Variants in CYYR1 observed in about 807,000 individuals in gnomAD.
CYYR1 encodes the protein cysteine and tyrosine-rich protein 1.
Under a neutral mutation model 15.2 loss-of-function variants are expected in CYYR1, and 14 were observed. The ratio of observed to expected loss-of-function variants is 0.92; its 90% CI spans 0.61 to 1.44. The LOEUF is 1.44. CYYR1 is among the 40% of genes most tolerant of loss of function. The pLI, the probability that CYYR1 is intolerant of heterozygous loss-of-function variation, is 0.00. For synonymous variants in CYYR1, 80 were observed against 77.4 expected, an observed-to-expected ratio of 1.03 and a Z score of -0.18; for missense variants, 228 against 209.5, an observed-to-expected ratio of 1.09 and a Z score of -0.54.
At chr21:26,474,022 TTTG>T (rs2065068753) in intron 3 of CYYR1, among the ~76,000 whole-genome samples, 1 of 150,682 alleles carries the variant, frequency 6.6e-6, no homozygotes, top group South Asian at 2.1e-4. Context: ...GTTGGTTTTT[TTTG>T]TTGTTGTGTG....
At chr21:26,495,387 C>T (rs1410187972) in intron 2 of CYYR1, among the ~76,000 whole-genome samples, 6 of 152,168 alleles carry the variant, frequency 3.9e-5, no homozygotes, top group South Asian at 2.1e-4. Flanking sequence ...CAGCTTCCCA[C>T]GCGTCTCAGA....
At position 26,484,218 on chromosome 21, in the gene CYYR1, T is replaced by C. The variant is rs376100791; in HGVS notation, c.177-3789A>G. On this transcript the variant is annotated intron_variant, in intron 2 of 3. Coordinates refer to ENST00000652641, the MANE Select transcript of CYYR1 (RefSeq NM_001320768.2). ...ATGGGGACTACACAAAAGCCCAAGG[T>C]TGGTTCAGGTCAAGTCTGGCCACCA... 7.2e-5 allele frequency among the ~76,000 whole-genome samples: 11 copies of C among 152,152 alleles called. 1 individual carries two copies. Among genetic ancestry groups the C allele is most frequent in the Admixed American group, 3.3e-4 (5 of 15,252 alleles).
chr21:26,570,411 A>G (rs1423051970), intron 1 of CYYR1, among the ~76,000 whole-genome samples: 1 of 152,168 alleles, frequency 6.6e-6, no homozygotes, highest in Non-Finnish European at 1.5e-5. Context: ...TGCAAGCTAT[A>G]GCTAAGATAA....
intron 2 of CYYR1, among the ~76,000 whole-genome samples, chr21:26,506,943 C>T (rs2065574697): frequency 6.6e-6 from 1 of 152,162 alleles, no homozygotes; most frequent in African/African-American, 2.4e-5. Context: ...TCATCCTTTT[C>T]ACAGCAGTAC....
chr21:26,490,477 T>A (rs527655041), intron 2 of CYYR1, among the ~76,000 whole-genome samples: 1 of 152,104 alleles, frequency 6.6e-6, no homozygotes. Context: ...TAGAAGACTA[T>A]GACAAGACAA....
chr21:26,542,131 A>G (rs940091358), intron 2 of CYYR1, among the ~76,000 whole-genome samples: 3 of 151,872 alleles, frequency 2.0e-5, no homozygotes, highest in African/African-American at 7.3e-5. Context: ...GGTACTTTGA[A>G]TACAAAAAAA....
chr21:26,498,126 G>C (rs1024010719), intron 2 of CYYR1, among the ~76,000 whole-genome samples: 1 of 152,170 alleles, frequency 6.6e-6, no homozygotes, highest in African/African-American at 2.4e-5. Flanking sequence ...TACCTAGTCA[G>C]TATTTTTCTA....
At chr21:26,562,247 C>T (rs558741592) in intron 2 of CYYR1, among the ~76,000 whole-genome samples, 7 of 152,282 alleles carry the variant, frequency 4.6e-5, no homozygotes, top group African/African-American at 1.4e-4. Flanking sequence ...CATAGTTTGT[C>T]ATAAATGGTT....
chr21:26,509,845 A>T (rs1244502603), intron 2 of CYYR1, among the ~76,000 whole-genome samples: 1 of 152,092 alleles, frequency 6.6e-6, no homozygotes, highest in Non-Finnish European at 1.5e-5. Flanking sequence ...ATCTCACCCA[A>T]CTGGGGGTTA....
chr21:26,504,415 C>T (rs746285954), intron 2 of CYYR1, among the ~76,000 whole-genome samples: 14 of 151,906 alleles, frequency 9.2e-5, no homozygotes, highest in Admixed American at 1.3e-4. Context: ...GGATTACAGG[C>T]GCGTACCACC....
intron 2 of CYYR1, among the ~76,000 whole-genome samples, chr21:26,524,099 T>C (rs544561167): frequency 4.2e-4 from 64 of 152,328 alleles, no homozygotes; most frequent in Admixed American, 8.5e-4. Flanking sequence ...ATATATTTCA[T>C]TTGTAGGTTA....
At chr21:26,512,530 T>C (rs2065663290) in intron 2 of CYYR1, among the ~76,000 whole-genome samples, 1 of 152,156 alleles carries the variant, frequency 6.6e-6, no homozygotes, top group Admixed American at 6.5e-5. Context: ...GTCAGCACGC[T>C]ACATCCTAGG....
At chr21:26,541,085 T>C (rs527970315) in intron 2 of CYYR1, among the ~76,000 whole-genome samples, 1 of 152,254 alleles carries the variant, frequency 6.6e-6, no homozygotes, top group East Asian at 1.9e-4. Context: ...CAAAACTATA[T>C]AATCTAGAGA....
chr21:26,489,563 T>G (rs550804956), intron 2 of CYYR1, among the ~76,000 whole-genome samples: 1 of 151,876 alleles, frequency 6.6e-6, no homozygotes, highest in African/African-American at 2.4e-5. Context: ...CACATACATA[T>G]TGTTTTATGT....
At chr21:26,544,554 A>G (rs1978813479) in intron 2 of CYYR1, among the ~76,000 whole-genome samples, 1 of 152,202 alleles carries the variant, frequency 6.6e-6, no homozygotes, top group Non-Finnish European at 1.5e-5. Context: ...ATCTCTTTTG[A>G]CTTACAGAAC....
intron 2 of CYYR1, among the ~76,000 whole-genome samples, chr21:26,539,308 G>A (rs530692568): frequency 2.0e-5 from 3 of 152,130 alleles, no homozygotes; most frequent in Admixed American, 6.6e-5. Flanking sequence ...AGCCTTTCAC[G>A]AGCCAAGCAG....
intron 3 of CYYR1, among the ~76,000 whole-genome samples, chr21:26,474,835 T>C (rs1273638149): frequency 2.0e-5 from 3 of 152,190 alleles, no homozygotes; most frequent in Non-Finnish European, 4.4e-5. Flanking sequence ...GGATTTCCAA[T>C]TTACTAATGG....
intron 2 of CYYR1, among the ~76,000 whole-genome samples, chr21:26,494,371 A>AG (rs1430521185): frequency 2.0e-5 from 3 of 152,132 alleles, no homozygotes; most frequent in African/African-American, 7.2e-5. Context: ...TCCATTTCTG[A>AG]GGGGGGAGAA....
At chr21:26,484,977 T>C (rs986990023) in intron 2 of CYYR1, among the ~76,000 whole-genome samples, 4 of 152,006 alleles carry the variant, frequency 2.6e-5, no homozygotes, top group Non-Finnish European at 5.9e-5. Context: ...AAGTATAAAA[T>C]TTACAGCATT....
Sources: gnomAD v4.1 joint callset for allele counts (sites outside exome capture counted in the v4.1 genomes callset) on GRCh38, gnomAD v4.1.1 for gene constraint, MANE v1.5 for transcripts, NCBI Gene and HGNC (gene_info 2026-07-23, HGNC 2026-07-21) for gene names.